The following TRHDE variants were observed in gnomAD, a reference collection of about 807,000 sequenced individuals.
TRHDE encodes thyrotropin-releasing hormone-degrading ectoenzyme.
In TRHDE, 72 loss-of-function variants were observed where a neutral mutation model predicts 125.7. That is an observed-to-expected ratio of 0.57 (90% CI 0.47 to 0.70). The LOEUF is 0.70. Among genes scored for constraint, TRHDE ranks in the 30% least tolerant of loss-of-function variants. The probability of loss-of-function intolerance (pLI) is 0.00; values close to 1 mark genes in which losing one functional copy is unlikely to be tolerated. For missense variants in TRHDE, 1,110 were observed against 1,327.1 expected (o/e 0.84, Z 2.54); for synonymous variants, 509 against 509.1 (o/e 1.00, Z 0.00).
At chr12:72,318,009 A>T (rs1306268761) in intron 2 of TRHDE, among the ~76,000 whole-genome samples, 1 of 152,146 alleles carries the variant, frequency 6.6e-6, no homozygotes, top group African/African-American at 2.4e-5. Context: ...ATAGCCATCA[A>T]AGGGCTCTCA....
intron 1 of TRHDE, among the ~76,000 whole-genome samples, chr12:72,092,970 G>C (rs143878392): frequency 6.6e-6 from 1 of 152,276 alleles, no homozygotes; most frequent in African/African-American, 2.4e-5. Context: ...ATGGCTTTGA[G>C]ATTTATTAAC....
rs1870951391 is a variant in TRHDE at position 72,575,530 on chromosome 12, T to C, written c.2309T>C (p.Phe770Ser). Residue 770 changes from phenylalanine to serine, a missense_variant, in exon 12 of 19, where the codon TTC becomes TCC. By Grantham distance (155) the Phe-to-Ser change is radical. This residue lies in a region of TRHDE where 527 missense variants were observed against 651.8 expected (regional missense o/e 0.81). Transcript: ENST00000261180. ...CGAGCGGGCTTGATCGATGATGCCT[T>C]CAGCCTAGCCAGGTATGTTTTCCTG... ...SNRAGLIDDA[F>S]SLARAGYLPQ... 6.2e-7 allele frequency: 1 copy of C among 1,613,708 alleles called. No individual in the cohort carries two copies. The highest frequency in any genetic ancestry group is 8.5e-7 in the Non-Finnish European group (1 of 1,179,726).
chr12:72,311,627 A>G (rs1868545956), intron 2 of TRHDE, among the ~76,000 whole-genome samples: 1 of 152,184 alleles, frequency 6.6e-6, no homozygotes, highest in Non-Finnish European at 1.5e-5. Flanking sequence ...TGTCAGGGAG[A>G]AACTCAGTTA....
intron 7 of TRHDE, among the ~76,000 whole-genome samples, chr12:72,552,153 G>A (rs1203337521): frequency 2.0e-5 from 3 of 152,098 alleles, no homozygotes; most frequent in African/African-American, 7.2e-5. Flanking sequence ...GATATGACAT[G>A]GCTCTATTTA....
chr12:72,480,625 C>A (rs965497112), intron 5 of TRHDE, among the ~76,000 whole-genome samples: 2 of 152,118 alleles, frequency 1.3e-5, no homozygotes, highest in African/African-American at 4.8e-5. Flanking sequence ...CAACCAGTAA[C>A]TTTACAGCAT....
At chr12:72,314,838 T>C (rs1157319788) in intron 2 of TRHDE, among the ~76,000 whole-genome samples, 1 of 152,224 alleles carries the variant, frequency 6.6e-6, no homozygotes, top group African/African-American at 2.4e-5. Flanking sequence ...ATGTTAGAAT[T>C]AGGAATTGAA....
chr12:72,553,235 T>C (rs1869759750), intron 7 of TRHDE, among the ~76,000 whole-genome samples: 1 of 152,170 alleles, frequency 6.6e-6, no homozygotes, highest in Non-Finnish European at 1.5e-5. Flanking sequence ...TCTTCTGTGA[T>C]ATTCAGCTGT....
At chr12:72,582,720 G>A in intron 12 of TRHDE, 2 of 679,292 alleles carry the variant, frequency 2.9e-6, no homozygotes, top group Non-Finnish European at 3.6e-6. Context: ...GAAATACTTT[G>A]GCAGACTGGA....
chr12:72,267,911 C>A (rs1229918983), upstream of TRHDE, among the ~76,000 whole-genome samples: 1 of 151,880 alleles, frequency 6.6e-6, no homozygotes, highest in Non-Finnish European at 1.5e-5. Flanking sequence ...TCTTCAAGAT[C>A]TTGAGGAATG....
At chr12:72,520,319 C>A (rs569791844) in intron 6 of TRHDE, among the ~76,000 whole-genome samples, 1 of 152,208 alleles carries the variant, frequency 6.6e-6, no homozygotes. Flanking sequence ...ACCCTCCGAG[C>A]CAGGTGCGGG....
chr12:72,535,430 A>G (rs1868805514), intron 6 of TRHDE, among the ~76,000 whole-genome samples: 1 of 152,116 alleles, frequency 6.6e-6, no homozygotes, highest in Non-Finnish European at 1.5e-5. Flanking sequence ...ATGCAGAGGT[A>G]GAGGCTTGGC....
intron 15 of TRHDE, among the ~76,000 whole-genome samples, chr12:72,628,232 G>T (rs1234586116): frequency 6.6e-6 from 1 of 151,842 alleles, no homozygotes; most frequent in African/African-American, 2.4e-5. Context: ...TATTTTAACT[G>T]TGATGAGAAG....
At chr12:72,513,710 A>G (rs1474733508) in intron 6 of TRHDE, among the ~76,000 whole-genome samples, 2 of 151,892 alleles carry the variant, frequency 1.3e-5, no homozygotes, top group Non-Finnish European at 2.9e-5. Flanking sequence ...TTTTTTTTTA[A>G]AAGTACAAAA....
intron 7 of TRHDE, among the ~76,000 whole-genome samples, chr12:72,553,072 A>G (rs984318426): frequency 1.3e-5 from 2 of 152,180 alleles, no homozygotes; most frequent in African/African-American, 4.8e-5. Context: ...GAAGGTCAGT[A>G]GCTGAATGAA....
intron 12 of TRHDE, among the ~76,000 whole-genome samples, chr12:72,600,176 T>C (rs1454181901): frequency 6.6e-6 from 1 of 152,142 alleles, no homozygotes. Flanking sequence ...TAGTTTGAAG[T>C]TGGGTAATGT....
intron 6 of TRHDE, among the ~76,000 whole-genome samples, chr12:72,537,176 T>C (rs1312462884): frequency 2.0e-5 from 3 of 152,064 alleles, no homozygotes; most frequent in Non-Finnish European, 4.4e-5. Context: ...TTCCTTTTGA[T>C]ATTATGGCCT....
chr12:72,495,680 C>T (rs1877885391), intron 5 of TRHDE, among the ~76,000 whole-genome samples: 1 of 151,862 alleles, frequency 6.6e-6, no homozygotes, highest in African/African-American at 2.4e-5. Flanking sequence ...ATATTCATTC[C>T]TCAAATGCTG....
chr12:72,154,563 T>A (rs1019634305), intron 2 of TRHDE, among the ~76,000 whole-genome samples: 1 of 152,340 alleles, frequency 6.6e-6, no homozygotes, highest in South Asian at 2.1e-4. Flanking sequence ...AGTGCTTCCT[T>A]CAGGAGCTCT....
At chr12:72,200,158 C>T (rs1336757860) in intron 2 of TRHDE, among the ~76,000 whole-genome samples, 1 of 152,088 alleles carries the variant, frequency 6.6e-6, no homozygotes, top group African/African-American at 2.4e-5. Context: ...TTCCAATTGA[C>T]TGTGTTCCTC....
Sources: gnomAD v4.1 joint callset for allele counts (sites outside exome capture counted in the v4.1 genomes callset) on GRCh38, gnomAD v4.1.1 for gene constraint, gnomAD v4.1.1 regional missense constraint, MANE v1.5 for transcripts, NCBI Gene and HGNC (gene_info 2026-07-23, HGNC 2026-07-21) for gene names.